The following MAPRE2 variants were observed in gnomAD, a reference collection of about 807,000 sequenced individuals.
MAPRE2 encodes the protein microtubule associated protein RP/EB family member 2.
A neutral mutation model predicts 43.2 loss-of-function variants in MAPRE2; 13 were observed. The observed-to-expected ratio is 0.30, with a 90% CI of 0.20 to 0.48. The LOEUF (loss-of-function observed/expected upper bound fraction) is 0.48. Ranked by LOEUF, MAPRE2 falls within the 20% of genes least tolerant of loss-of-function variation. The pLI, the probability that MAPRE2 is intolerant of heterozygous loss-of-function variation, is 0.99. For missense variants in MAPRE2, 161 were observed against 400.2 expected (o/e 0.40, Z 5.10); for synonymous variants, 135 against 148.8 (o/e 0.91, Z 0.68).
intron 1 of MAPRE2, among the ~76,000 whole-genome samples, chr18:35,051,451 G>A (rs1220646444): frequency 6.6e-6 from 1 of 152,204 alleles, no homozygotes; most frequent in East Asian, 1.9e-4. Context: ...TTGACAGGCA[G>A]ATAGCATTGT....
intron 2 of MAPRE2, among the ~76,000 whole-genome samples, chr18:35,026,029 A>G (rs530409385): frequency 7.2e-5 from 11 of 152,290 alleles, no homozygotes; most frequent in Non-Finnish European, 1.5e-4. Context: ...ACCCCTGAAG[A>G]CTTCTAAAAA....
Position 35,028,487 on chromosome 18 carries a change from A to G in MAPRE2, c.-8+22934A>G, listed in dbSNP as rs1467884590. Among the ~76,000 whole-genome samples, 4 of 152,270 alleles carry G rather than the reference A, an allele frequency of 2.6e-5. No individual in the cohort carries two copies. In the East Asian group the frequency reaches 7.7e-4, roughly 29 times the overall value. On this transcript the variant is annotated intron_variant, in intron 2 of 7. Transcript: ENST00000413393. ...TATATTTTCTTAATTCCCCAGTACTAACTTTTATAAGGAAGATAACATCCC... is the reference window on the plus strand; with the variant it reads ...TATATTTTCTTAATTCCCCAGTACTGACTTTTATAAGGAAGATAACATCCC...
intron 1 of MAPRE2, among the ~76,000 whole-genome samples, chr18:35,053,008 C>CT (rs572507007): frequency 3.5e-5 from 2 of 56,660 alleles, no homozygotes; most frequent in South Asian, 5.4e-4. Context: ...AAAGTCCCCC[C>CT]CACACACACA....
At position 34,984,812 on chromosome 18, in the gene MAPRE2, T is replaced by C. The variant is rs1223391534; in HGVS notation, c.-70+7733T>C. ...AGTTATATATTATATAATTATATAA[T>C]ACTAAAAATATAAATATATAATATT... On this transcript the variant is annotated intron_variant, in intron 1 of 7. Transcript: ENST00000413393. 6.3e-5 allele frequency among the ~76,000 whole-genome samples: 2 copies of C among 31,556 alleles called. 1 individual carries two copies. Among genetic ancestry groups the C allele is most frequent in the African/African-American group, 1.4e-4 (2 of 14,560 alleles). 20.7% of individuals were successfully genotyped at this position (31,556 alleles called of 152,430 possible). A position where few individuals can be genotyped will look rare whatever the true frequency, so the allele number is the denominator to read the frequency against.
At chr18:34,981,557 G>A (rs2097016222) in intron 1 of MAPRE2, among the ~76,000 whole-genome samples, 1 of 152,176 alleles carries the variant, frequency 6.6e-6, no homozygotes, top group Non-Finnish European at 1.5e-5. Flanking sequence ...GAACCACCCA[G>A]TCTTATTACC....
chr18:35,134,595 G>A (rs1910304911), intron 6 of MAPRE2, among the ~76,000 whole-genome samples: 1 of 152,218 alleles, frequency 6.6e-6, no homozygotes, highest in Non-Finnish European at 1.5e-5. Flanking sequence ...GAGCAGGGAG[G>A]AAACGAACAT....
intron 4 of MAPRE2, among the ~76,000 whole-genome samples, chr18:35,116,975 A>G (rs997110228): frequency 3.3e-5 from 5 of 152,234 alleles, no homozygotes; most frequent in African/African-American, 4.8e-5. Context: ...TTTGTATTAT[A>G]GAAAACACAT....
intron 4 of MAPRE2, among the ~76,000 whole-genome samples, chr18:35,126,009 C>T (rs934709810): frequency 2.6e-5 from 4 of 152,268 alleles, no homozygotes; most frequent in East Asian, 1.9e-4. Context: ...CTTTGTGAAT[C>T]GCTTATTAGT....
At chr18:34,980,937 G>A (rs1312547339) in intron 1 of MAPRE2, among the ~76,000 whole-genome samples, 1 of 152,070 alleles carries the variant, frequency 6.6e-6, no homozygotes, top group East Asian at 1.9e-4. Flanking sequence ...AAAGTAAGAA[G>A]TTGGATGTAT....
At chr18:35,036,190 A>G (rs1474378003) in intron 2 of MAPRE2, among the ~76,000 whole-genome samples, 1 of 151,754 alleles carries the variant, frequency 6.6e-6, no homozygotes, top group Non-Finnish European at 1.5e-5. Context: ...TTCCTCCTTC[A>G]TTACCCACTC....
intron 2 of MAPRE2, among the ~76,000 whole-genome samples, chr18:35,093,002 G>A (rs367565090): frequency 5.3e-5 from 8 of 151,916 alleles, no homozygotes; most frequent in South Asian, 4.2e-4. Context: ...ACTTGAGGTC[G>A]GTAGTTCAAG....
chr18:35,123,871 CACCTATGTCCTA>C (rs1909792710), intron 4 of MAPRE2, among the ~76,000 whole-genome samples: 1 of 152,200 alleles, frequency 6.6e-6, no homozygotes, highest in Non-Finnish European at 1.5e-5. Flanking sequence ...ACAGATGAAA[CACCTATGTCCTA>C]GGGTTTATGT....
chr18:35,114,600 C>G (rs1909324003), intron 4 of MAPRE2, among the ~76,000 whole-genome samples: 3 of 152,084 alleles, frequency 2.0e-5, no homozygotes. Context: ...TCAATTAGCT[C>G]TCCGTGTGAA....
intron 6 of MAPRE2, 133 bp from the exon 7 acceptor site, chr18:35,140,162 C>T (rs536136128): frequency 2.8e-5 from 20 of 707,264 alleles, no homozygotes; most frequent in East Asian, 5.4e-5. Flanking sequence ...GTTTGCATGG[C>T]GAGTTGTGCC....
intron 1 of MAPRE2, among the ~76,000 whole-genome samples, chr18:35,055,663 A>T (rs1279050152): frequency 6.6e-6 from 1 of 152,036 alleles, no homozygotes; most frequent in African/African-American, 2.4e-5. Flanking sequence ...CACATAAAAG[A>T]TGTTTAGGGC....
At chr18:35,088,251 TGAG>T (rs963721862) in intron 2 of MAPRE2, among the ~76,000 whole-genome samples, 23 of 152,322 alleles carry the variant, frequency 1.5e-4, no homozygotes, top group African/African-American at 5.5e-4. Context: ...AGGACCTCTC[TGAG>T]GAGATGACAT....
intron 4 of MAPRE2, among the ~76,000 whole-genome samples, chr18:35,116,243 G>A (rs1162727308): frequency 6.6e-6 from 1 of 152,196 alleles, no homozygotes; most frequent in African/African-American, 2.4e-5. Flanking sequence ...GAGCATTCCA[G>A]GCAGAAAGAC....
intron 4 of MAPRE2, among the ~76,000 whole-genome samples, chr18:35,107,789 G>A (rs1189553587): frequency 6.6e-6 from 1 of 152,064 alleles, no homozygotes; most frequent in African/African-American, 2.4e-5. Flanking sequence ...CAGTGTCAGA[G>A]TAAACAGATC....
At chr18:35,002,543 T>C (rs1481016011) in intron 1 of MAPRE2, among the ~76,000 whole-genome samples, 2 of 152,194 alleles carry the variant, frequency 1.3e-5, no homozygotes, top group East Asian at 3.9e-4. Flanking sequence ...ATATGAGTGA[T>C]CTAGTTTCTT....
Sources: allele counts gnomAD v4.1 joint callset (sites outside exome capture counted in the v4.1 genomes callset), GRCh38; gene constraint gnomAD v4.1.1; transcripts MANE v1.5; gene names NCBI Gene and HGNC (gene_info 2026-07-23, HGNC 2026-07-21).